The following CHST11 variants were observed in gnomAD, a reference collection of about 807,000 sequenced individuals.
CHST11 encodes the protein carbohydrate sulfotransferase 11, also known as C4S-1.
CHST11 carries 9 observed loss-of-function variants against 30.4 expected under a neutral mutation model. The ratio of observed to expected loss-of-function variants is 0.30; its 90% CI spans 0.18 to 0.52. The LOEUF (loss-of-function observed/expected upper bound fraction) is 0.52. Among genes scored for constraint, CHST11 ranks in the 20% least tolerant of loss-of-function variants. The pLI, the probability that CHST11 is intolerant of heterozygous loss-of-function variation, is 0.97. For synonymous variants in CHST11, 152 were observed against 187.8 expected (o/e 0.81, Z 1.56); for missense variants, 348 against 460.6 (o/e 0.76, Z 2.24).
intron 1 of CHST11, among the ~76,000 whole-genome samples, chr12:104,593,970 A>G (rs1260290149): frequency 6.6e-6 from 1 of 152,224 alleles, no homozygotes; most frequent in African/African-American, 2.4e-5. Flanking sequence ...TTTTCAGGAG[A>G]GAACATGCTA....
chr12:104,704,975 A>T (rs312136), intron 2 of CHST11, among the ~76,000 whole-genome samples: 1 of 152,018 alleles, frequency 6.6e-6, no homozygotes, highest in African/African-American at 2.4e-5. Context: ...TATGTTCCGT[A>T]TGCCTTAGTG....
At chr12:104,702,462 G>A (rs1273454434) in intron 2 of CHST11, among the ~76,000 whole-genome samples, 1 of 152,098 alleles carries the variant, frequency 6.6e-6, no homozygotes. Flanking sequence ...AACCCATTCT[G>A]TGATGTCAAC....
chr12:104,576,112 G>A (rs2038681505), intron 1 of CHST11, among the ~76,000 whole-genome samples: 2 of 152,002 alleles, frequency 1.3e-5, no homozygotes, highest in Admixed American at 1.3e-4. Flanking sequence ...TTACTCACAG[G>A]CGTGATGGTG....
chr12:104,579,272 G>A (rs1287588924), intron 1 of CHST11, among the ~76,000 whole-genome samples: 1 of 152,184 alleles, frequency 6.6e-6, no homozygotes, highest in African/African-American at 2.4e-5. Context: ...CAGTTGTTGT[G>A]TAGAGGGAAT....
Position 104,488,607 on chromosome 12 carries a change from GTGTA to G in CHST11, c.118+31086_118+31089del, listed in dbSNP as rs552449838. Among the ~76,000 whole-genome samples, 10 of 149,098 alleles carry G rather than the reference GTGTA, an allele frequency of 6.7e-5. No homozygotes were observed. The East Asian group carries it at 9.8e-4, about 15-fold the overall frequency. Reference sequence around the variant, plus strand: ...TATGTATGCGTATGTATGCGTATGTGTGTATGTATGTGTGCATGTATGTGTGTGT... The same window carrying G: ...TATGTATGCGTATGTATGCGTATGTGTGTATGTGTGCATGTATGTGTGTGT... On this transcript the variant is annotated intron_variant, in intron 1 of 2. Coordinates refer to ENST00000303694, the MANE Select transcript of CHST11 (RefSeq NM_018413.6).
At chr12:104,589,123 G>A (rs945090784) in intron 1 of CHST11, among the ~76,000 whole-genome samples, 1 of 149,756 alleles carries the variant, frequency 6.7e-6, no homozygotes, top group Non-Finnish European at 1.5e-5. Flanking sequence ...AATTCAGCTG[G>A]GTTTGGTGGC....
At chr12:104,650,637 T>C (rs1031220110) in intron 2 of CHST11, among the ~76,000 whole-genome samples, 5 of 152,152 alleles carry the variant, frequency 3.3e-5, no homozygotes, top group African/African-American at 1.2e-4. Flanking sequence ...AGCCCATGTG[T>C]TCACAAAGTC....
chr12:104,733,456 T>A (rs2040273226), intron 2 of CHST11, among the ~76,000 whole-genome samples: 1 of 152,166 alleles, frequency 6.6e-6, no homozygotes, highest in Non-Finnish European at 1.5e-5. Flanking sequence ...CAACCCTCCC[T>A]CCCAGGGCTG....
chr12:104,637,182 G>T (rs565811905), intron 2 of CHST11, among the ~76,000 whole-genome samples: 26 of 151,498 alleles, frequency 1.7e-4, no homozygotes, highest in African/African-American at 5.8e-4. Flanking sequence ...GCACGCACTT[G>T]TAGTCCCAGC....
chr12:104,615,843 G>A (rs990588143), intron 2 of CHST11, among the ~76,000 whole-genome samples: 4 of 152,136 alleles, frequency 2.6e-5, no homozygotes, highest in African/African-American at 2.4e-5. Flanking sequence ...CAGGAGAATC[G>A]CTTGAACCTG....
In CHST11 at chr12:104,540,223, T is replaced by C. The variant is rs563649248; in HGVS notation, c.119-61683T>C. On this transcript the variant is annotated intron_variant, in intron 1 of 2. Transcript: ENST00000303694. Reference sequence around the variant, plus strand: ...GTGGAACCCATGAATGTGGAACTCATGAATATGGAGGCTGATTGTACAGGA... The same window carrying C: ...GTGGAACCCATGAATGTGGAACTCACGAATATGGAGGCTGATTGTACAGGA... Among the ~76,000 whole-genome samples, 4 of 152,282 alleles carry C rather than the reference T, an allele frequency of 2.6e-5. No homozygotes were observed. In the East Asian group the frequency reaches 7.7e-4, roughly 29 times the overall value.
At chr12:104,705,944 G>C (rs1213436186) in intron 2 of CHST11, among the ~76,000 whole-genome samples, 1 of 152,082 alleles carries the variant, frequency 6.6e-6, no homozygotes. Flanking sequence ...TTTAAAATTA[G>C]GCATGGTGGA....
At chr12:104,712,052 G>A (rs2040092956) in intron 2 of CHST11, among the ~76,000 whole-genome samples, 1 of 152,182 alleles carries the variant, frequency 6.6e-6, no homozygotes. Context: ...TTAAGGTTGG[G>A]CTGGGGCAGG....
At chr12:104,528,852 A>G (rs2038153663) in intron 1 of CHST11, among the ~76,000 whole-genome samples, 2 of 152,190 alleles carry the variant, frequency 1.3e-5, no homozygotes, top group African/African-American at 4.8e-5. Context: ...CCCAGGACTG[A>G]CTTTGCAATT....
chr12:104,548,105 C>CTTGT (rs1178777561), intron 1 of CHST11, among the ~76,000 whole-genome samples: 1 of 152,172 alleles, frequency 6.6e-6, no homozygotes, highest in African/African-American at 2.4e-5. Context: ...TTGATGCAGG[C>CTTGT]TTGTTGCCAG....
At chr12:104,707,929 G>T (rs1233435676) in intron 2 of CHST11, among the ~76,000 whole-genome samples, 3 of 152,178 alleles carry the variant, frequency 2.0e-5, no homozygotes, top group Non-Finnish European at 4.4e-5. Context: ...GACACATGCA[G>T]GCATGCACAC....
intron 1 of CHST11, among the ~76,000 whole-genome samples, chr12:104,485,234 C>T (rs1416129910): frequency 1.3e-5 from 2 of 152,164 alleles, no homozygotes; most frequent in Non-Finnish European, 2.9e-5. Flanking sequence ...GATTCTGCTG[C>T]AGGAGGTTCC....
intron 1 of CHST11, among the ~76,000 whole-genome samples, chr12:104,583,544 C>T (rs2038769179): frequency 1.3e-5 from 2 of 152,208 alleles, no homozygotes; most frequent in Non-Finnish European, 2.9e-5. Context: ...CCCTCTGCCC[C>T]TGTCTGGGGC....
At chr12:104,656,798 A>C (rs559458996) in intron 2 of CHST11, among the ~76,000 whole-genome samples, 1 of 152,146 alleles carries the variant, frequency 6.6e-6, no homozygotes, top group Admixed American at 6.5e-5. Flanking sequence ...GGAAGACCAA[A>C]TCCTTATTTT....
Sources: gnomAD v4.1 joint callset for allele counts (sites outside exome capture counted in the v4.1 genomes callset) on GRCh38, gnomAD v4.1.1 for gene constraint, MANE v1.5 for transcripts, NCBI Gene and HGNC (gene_info 2026-07-23, HGNC 2026-07-21) for gene names.